PHKB: variants seen among roughly 807,000 people sequenced by gnomAD.
PHKB encodes phosphorylase b kinase regulatory subunit beta.
Under a neutral mutation model 152.1 loss-of-function variants are expected in PHKB, and 122 were observed. That is an observed-to-expected ratio of 0.80 (90% CI 0.69 to 0.93). The LOEUF (loss-of-function observed/expected upper bound fraction) is 0.93. Ranked by LOEUF, PHKB falls within the 40% of genes least tolerant of loss-of-function variation. PHKB has a pLI of 0.00. For synonymous variants in PHKB, 436 were observed against 464.9 expected (o/e 0.94, Z 0.80); for missense variants, 1,304 against 1,328.4 (o/e 0.98, Z 0.29).
intron 6 of PHKB, among the ~76,000 whole-genome samples, chr16:47,534,673 A>C (rs979360230): frequency 6.6e-6 from 1 of 152,236 alleles, no homozygotes; most frequent in Admixed American, 6.5e-5. Context: ...TTTATTAACT[A>C]CCAAGGGAAA....
chr16:47,585,209 G>A (rs9940244), intron 8 of PHKB, among the ~76,000 whole-genome samples: 1,722 of 152,284 alleles, frequency 0.011, 41 homozygotes, highest in African/African-American at 0.04. Flanking sequence ...GAATTATAAT[G>A]TTTTCAGGAA....
intron 26 of PHKB, among the ~76,000 whole-genome samples, chr16:47,683,606 A>G (rs1973905420): frequency 6.6e-6 from 1 of 152,104 alleles, no homozygotes; most frequent in African/African-American, 2.4e-5. Flanking sequence ...TTTTAAGCCC[A>G]TTGGAAAAGC....
In PHKB at chr16:47,693,517, C is replaced by T; in HGVS notation, c.2895+10C>T. The T allele has an allele frequency of 6.2e-7, 1 of 1,613,834 alleles. No individual in the cohort carries two copies. The highest frequency in any genetic ancestry group is 1.3e-5 in the African/African-American group (1 of 75,022). ...GAAGCATTTGCCTCAGGTAAAGCCCCACCATGTTCACATAAAGAAAGGAGA... is the reference window on the plus strand; with the variant it reads ...GAAGCATTTGCCTCAGGTAAAGCCCTACCATGTTCACATAAAGAAAGGAGA... On this transcript the variant is annotated intron_variant, in intron 28 of 30. Coordinates refer to ENST00000323584, the MANE Select transcript of PHKB (RefSeq NM_000293.3).
intron 6 of PHKB, among the ~76,000 whole-genome samples, chr16:47,539,879 G>A (rs986039493): frequency 6.6e-6 from 1 of 152,154 alleles, no homozygotes; most frequent in Admixed American, 6.5e-5. Flanking sequence ...TGTACAAATT[G>A]ATTGTAAAAT....
At chr16:47,680,371 A>T (rs1223356296) in intron 26 of PHKB, among the ~76,000 whole-genome samples, 1 of 152,202 alleles carries the variant, frequency 6.6e-6, no homozygotes. Context: ...TACCTCTGGT[A>T]GAATTTGGCT....
At chr16:47,673,273 G>A (rs1008374385) in intron 26 of PHKB, among the ~76,000 whole-genome samples, 7 of 151,868 alleles carry the variant, frequency 4.6e-5, no homozygotes, top group Non-Finnish European at 5.9e-5. Context: ...TTTAACATAC[G>A]GTATATAAGC....
chr16:47,533,745 A>T (rs1055007326), intron 6 of PHKB, among the ~76,000 whole-genome samples: 2 of 152,104 alleles, frequency 1.3e-5, no homozygotes, highest in African/African-American at 4.8e-5. Flanking sequence ...TTGGGCCCCC[A>T]AGAGTATAGA....
Position 47,580,282 on chromosome 16 carries a change from T to TAC in PHKB, c.711-13_711-12insAC. ...TACATTAGAGTAATAAAGCATTTCC[T>TAC]TTTCTCTTTTAGCTCGGTTGGTTTA... is the stretch of plus-strand genomic sequence containing the variant. On this transcript the variant is annotated splice_polypyrimidine_tract_variant and intron_variant, in intron 7 of 30. Coordinates refer to ENST00000323584, the MANE Select transcript of PHKB (RefSeq NM_000293.3). 1 of 1,606,956 alleles carries TAC rather than the reference T, an allele frequency of 6.2e-7. No individual in the cohort carries two copies. Among genetic ancestry groups the TAC allele is most frequent in the Non-Finnish European group, 8.5e-7 (1 of 1,173,762 alleles).
intron 20 of PHKB, among the ~76,000 whole-genome samples, chr16:47,656,181 G>A (rs554058344): frequency 6.6e-6 from 1 of 151,950 alleles, no homozygotes; most frequent in Non-Finnish European, 1.5e-5. Flanking sequence ...CCATGCCAGG[G>A]TAATTTTTTG....
intron 1 of PHKB, among the ~76,000 whole-genome samples, chr16:47,489,492 A>G (rs930667952): frequency 6.6e-6 from 1 of 152,242 alleles, no homozygotes; most frequent in Non-Finnish European, 1.5e-5. Flanking sequence ...CTATTTCTAC[A>G]TAGGCTTTTT....
intron 13 of PHKB, among the ~76,000 whole-genome samples, chr16:47,602,542 C>CTTTTTTTTTTT (rs34655174): frequency 2.5e-4 from 31 of 122,660 alleles, no homozygotes; most frequent in Non-Finnish European, 3.2e-4. Flanking sequence ...GCTTCTCTTC[C>CTTTTTTTTTTT]TTTTTTTTTT....
At chr16:47,556,346 C>A (rs1971369552) in intron 7 of PHKB, among the ~76,000 whole-genome samples, 1 of 152,128 alleles carries the variant, frequency 6.6e-6, no homozygotes, top group South Asian at 2.1e-4. Flanking sequence ...TGTCTTGTGC[C>A]CATATTCAAA....
At chr16:47,686,198 G>A (rs1973962442) in intron 26 of PHKB, among the ~76,000 whole-genome samples, 1 of 152,130 alleles carries the variant, frequency 6.6e-6, no homozygotes, top group East Asian at 1.9e-4. Context: ...AAACATTAAG[G>A]TCTCCAGCTA....
chr16:47,579,893 A>G (rs1458744820), intron 7 of PHKB, among the ~76,000 whole-genome samples: 2 of 152,172 alleles, frequency 1.3e-5, no homozygotes, highest in African/African-American at 2.4e-5. Context: ...CTTAAGACTC[A>G]GATTTGATGT....
intron 23 of PHKB, 81 bp downstream of exon 23, chr16:47,661,881 CT>C: frequency 1.1e-6 from 1 of 893,292 alleles, no homozygotes; most frequent in African/African-American, 1.6e-5. Flanking sequence ...AAGCTATCCA[CT>C]AAAATGTTAC....
At chr16:47,598,713 C>T in intron 13 of PHKB, 2 of 1,568,410 alleles carry the variant, frequency 1.3e-6, no homozygotes, top group African/African-American at 1.4e-5. Flanking sequence ...CCCATGGTTT[C>T]CACTCCCTCA....
At chr16:47,551,039 A>C (rs1406038942) in intron 7 of PHKB, among the ~76,000 whole-genome samples, 1 of 152,038 alleles carries the variant, frequency 6.6e-6, no homozygotes, top group Non-Finnish European at 1.5e-5. Context: ...GGTAATTTCT[A>C]TTTCTGTGGG....
At chr16:47,565,824 C>G in intron 7 of PHKB, 1 of 1,409,682 alleles carries the variant, frequency 7.1e-7, no homozygotes, top group African/African-American at 1.4e-5. Context: ...CTTTGTCCCT[C>G]CAAAGACAGA....
intron 6 of PHKB, among the ~76,000 whole-genome samples, chr16:47,546,767 A>T (rs1971174773): frequency 1.3e-5 from 2 of 151,834 alleles, no homozygotes; most frequent in African/African-American, 4.8e-5. Flanking sequence ...CTCCACCTAT[A>T]GCTTCCTGGC....
Sources: allele counts gnomAD v4.1 joint callset (sites outside exome capture counted in the v4.1 genomes callset), GRCh38; gene constraint gnomAD v4.1.1; transcripts MANE v1.5; gene names NCBI Gene and HGNC (gene_info 2026-07-23, HGNC 2026-07-21).